The following ATP9B variants were observed in gnomAD, a reference collection of about 807,000 sequenced individuals.
ATP9B encodes probable phospholipid-transporting ATPase IIB.
In ATP9B, 110 loss-of-function variants were observed where a neutral mutation model predicts 146.1. That is an observed-to-expected ratio of 0.75 (90% CI 0.65 to 0.88). The LOEUF (loss-of-function observed/expected upper bound fraction) is 0.88. Ranked by LOEUF, ATP9B falls within the 40% of genes least tolerant of loss-of-function variation. The pLI, the probability that ATP9B is intolerant of heterozygous loss-of-function variation, is 0.00. For synonymous variants in ATP9B, 604 were observed against 569.7 expected, an observed-to-expected ratio of 1.06 and a Z score of -0.86; for missense variants, 1,499 against 1,496.4, an observed-to-expected ratio of 1.00 and a Z score of -0.03.
rs138172798 is a variant in ATP9B, at chr18:79,096,255, G to A, written c.120-221G>A. On this transcript the variant is annotated intron_variant, in intron 1 of 29. Transcript: ENST00000426216. Reference sequence around the variant, plus strand: ...GCCTCCAGGATTATGCTCACAGCACGGTTAACAGAGACTTCTTCAGCTAGC... The same window carrying A: ...GCCTCCAGGATTATGCTCACAGCACAGTTAACAGAGACTTCTTCAGCTAGC... 1.1e-4 allele frequency among the ~76,000 whole-genome samples: 16 copies of A among 152,200 alleles called. 1 individual carries two copies. The East Asian group carries it at 3.1e-3, about 29-fold the overall frequency.
intron 7 of ATP9B, among the ~76,000 whole-genome samples, chr18:79,169,531 G>A (rs1336578974): frequency 6.6e-6 from 1 of 152,052 alleles, no homozygotes; most frequent in Non-Finnish European, 1.5e-5. Context: ...GAGTGTTTTT[G>A]GACATTTCCT....
chr18:79,202,885 A>G (rs2095501383), intron 9 of ATP9B, among the ~76,000 whole-genome samples: 1 of 152,256 alleles, frequency 6.6e-6, no homozygotes, highest in South Asian at 2.1e-4. Context: ...GAAATTATAT[A>G]GAACCTTTTG....
intron 8 of ATP9B, among the ~76,000 whole-genome samples, chr18:79,189,799 GTGTGATGACTTT>G (rs1471047115): frequency 1.3e-5 from 2 of 152,208 alleles, no homozygotes; most frequent in Non-Finnish European, 2.9e-5. Context: ...TTTTCTTGTA[GTGTGATGACTTT>G]TGTCTACTTT....
intron 5 of ATP9B, among the ~76,000 whole-genome samples, chr18:79,127,128 C>T (rs999043803): frequency 6.6e-6 from 1 of 152,114 alleles, no homozygotes. Context: ...AGGACATTTA[C>T]AATGAATTAT....
chr18:79,332,162 G>A (rs544962157), intron 17 of ATP9B, among the ~76,000 whole-genome samples: 1 of 152,308 alleles, frequency 6.6e-6, no homozygotes, highest in Non-Finnish European at 1.5e-5. Flanking sequence ...GGGTACGGTG[G>A]CTTACGCCTG....
intron 8 of ATP9B, among the ~76,000 whole-genome samples, chr18:79,192,019 G>A (rs1306105731): frequency 6.6e-6 from 1 of 151,998 alleles, no homozygotes; most frequent in Admixed American, 6.6e-5. Flanking sequence ...CTACCTTTCT[G>A]GCATTAGGGA....
intron 15 of ATP9B, among the ~76,000 whole-genome samples, chr18:79,322,726 T>A (rs560047855): frequency 6.6e-6 from 1 of 152,308 alleles, no homozygotes; most frequent in Non-Finnish European, 1.5e-5. Flanking sequence ...AAGTCAAAAT[T>A]TGCTAATTTC....
chr18:79,238,716 G>A (rs1406843097), intron 11 of ATP9B, among the ~76,000 whole-genome samples: 3 of 152,120 alleles, frequency 2.0e-5, no homozygotes, highest in Admixed American at 6.5e-5. Context: ...ACCCTAACTC[G>A]AGCTATGGAC....
Position 79,193,257 on chromosome 18 carries a change from T to A in ATP9B, c.948T>A (p.Phe316Leu). 1 of 1,605,600 alleles carries A rather than the reference T, an allele frequency of 6.2e-7. No individual in the cohort carries two copies. Among genetic ancestry groups the A allele is most frequent in the South Asian group, 1.1e-5 (1 of 90,878 alleles). Residue 316 changes from phenylalanine (F) to leucine (L), a missense_variant, in exon 9 of 30, where the codon TTT (phenylalanine) becomes TTA (leucine). By Grantham distance (22) the Phe-to-Leu change is conservative. Transcript: ENST00000426216. ...ACATTCACAGTTTCGAAGGCACATT[T>A]ACCAGGGTAAGTTAAACCTGTTGTT... ...QMDIHSFEGT[F>L]TREDSDPPIH...
chr18:79,209,628 AT>A, intron 10 of ATP9B: 1 of 985,100 alleles, frequency 1.0e-6, no homozygotes. Flanking sequence ...CATCCTGTCC[AT>A]TCTGTTCTCT....
chr18:79,361,651 A>G (rs1039239571), intron 26 of ATP9B: 1 of 381,168 alleles, frequency 2.6e-6, no homozygotes, highest in Non-Finnish European at 3.6e-6. Context: ...AAATAGCACT[A>G]AAGTACTGAG....
At chr18:79,342,238 T>C in intron 19 of ATP9B, 30 bp from the exon 20 acceptor site, 1 of 1,542,204 alleles carries the variant, frequency 6.5e-7, no homozygotes, top group Non-Finnish European at 9.0e-7. Context: ...CTTGTCTTGT[T>C]GAAATTCACC....
chr18:79,173,526 G>A (rs1436658202), intron 7 of ATP9B, among the ~76,000 whole-genome samples: 1 of 151,700 alleles, frequency 6.6e-6, no homozygotes, highest in Non-Finnish European at 1.5e-5. Context: ...TCAAGGCTTT[G>A]GGTTGTTGGG....
chr18:79,226,965 A>G (rs904762987), intron 11 of ATP9B, among the ~76,000 whole-genome samples: 6 of 151,752 alleles, frequency 4.0e-5, no homozygotes, highest in Non-Finnish European at 8.8e-5. Context: ...TGTGTTGGGC[A>G]CCATATACTA....
At chr18:79,079,476 G>C (rs916895736) in intron 1 of ATP9B, among the ~76,000 whole-genome samples, 1 of 152,216 alleles carries the variant, frequency 6.6e-6, no homozygotes, top group East Asian at 1.9e-4. Flanking sequence ...CATATCCTTT[G>C]CTTGCTTTTT....
intron 17 of ATP9B, among the ~76,000 whole-genome samples, chr18:79,335,282 A>G (rs1338940909): frequency 6.6e-6 from 1 of 152,192 alleles, no homozygotes; most frequent in Non-Finnish European, 1.5e-5. Flanking sequence ...TACTTTTGTA[A>G]GTGCAGTTTG....
intron 7 of ATP9B, among the ~76,000 whole-genome samples, chr18:79,157,204 A>AT (rs1408410004): frequency 1.3e-4 from 16 of 124,024 alleles, no homozygotes; most frequent in African/African-American, 5.4e-4. Context: ...CTACTAAAAA[A>AT]AATACACACA....
chr18:79,154,499 T>C lies in ATP9B; in HGVS notation c.727-5T>C. 1 of 1,537,074 alleles carries C rather than the reference T, an allele frequency of 6.5e-7. No homozygotes were observed. Among genetic ancestry groups the C allele is most frequent in the Non-Finnish European group, 8.7e-7 (1 of 1,150,006 alleles). On this transcript the variant is annotated splice_polypyrimidine_tract_variant and splice_region_variant and intron_variant, in intron 6 of 29. Coordinates refer to ENST00000426216, the MANE Select transcript of ATP9B (RefSeq NM_198531.5). ...ATAATTAATCTTTTATAATGCTCTT[T>C]GCAGAATCAAAGAATTCCATCGGAC...
At chr18:79,371,854 A>C (rs963618330) in intron 26 of ATP9B, among the ~76,000 whole-genome samples, 5 of 152,240 alleles carry the variant, frequency 3.3e-5, no homozygotes, top group Non-Finnish European at 7.3e-5. Flanking sequence ...GCCCTAAATC[A>C]GGGCAGGACT....
Sources: allele counts gnomAD v4.1 joint callset (sites outside exome capture counted in the v4.1 genomes callset), GRCh38; gene constraint gnomAD v4.1.1; transcripts MANE v1.5; gene names NCBI Gene and HGNC (gene_info 2026-07-23, HGNC 2026-07-21).